MYO16: variants seen among roughly 807,000 people sequenced by gnomAD.
MYO16 encodes unconventional myosin-XVI.
In MYO16, 94 loss-of-function variants were observed where a neutral mutation model predicts 205.3. The observed-to-expected ratio is 0.46, with a 90% CI of 0.39 to 0.54. MYO16 has a LOEUF of 0.54. MYO16 is among the 20% of genes least tolerant of loss of function. The probability of loss-of-function intolerance (pLI) is 0.00; values close to 1 mark genes in which losing one functional copy is unlikely to be tolerated. For synonymous variants in MYO16, 988 were observed against 954.0 expected (o/e 1.04, Z -0.66); for missense variants, 2,315 against 2,387.5 (o/e 0.97, Z 0.63).
intron 17 of MYO16, among the ~76,000 whole-genome samples, chr13:108,959,282 T>C (rs940762985): frequency 6.6e-6 from 1 of 152,240 alleles, no homozygotes; most frequent in African/African-American, 2.4e-5. Context: ...GTCTTTGCAC[T>C]TGCTGCTGTG....
the MYO16 span, among the ~76,000 whole-genome samples, chr13:108,560,545 T>A: frequency 8.5e-5 from 13 of 152,246 alleles, no homozygotes; most frequent in African/African-American, 2.9e-4. Context: ...CAATGTACTG[T>A]CTACTTTGCA....
intron 20 of MYO16, among the ~76,000 whole-genome samples, chr13:108,968,900 C>T (rs149816635): frequency 0.03 from 4,505 of 152,286 alleles, 89 homozygotes; most frequent in Middle Eastern, 0.048. Flanking sequence ...TCCTCCTAGA[C>T]TCTGAGGGAA....
intron 1 of MYO16, chr13:108,659,515 C>T (rs1179494215): frequency 1.1e-5 from 2 of 187,114 alleles, no homozygotes; most frequent in Non-Finnish European, 2.2e-5. Flanking sequence ...ACCTCCCTTG[C>T]CCCCCTAAAA....
At chr13:108,789,499 C>A (rs1293982483) in intron 5 of MYO16, among the ~76,000 whole-genome samples, 2 of 152,128 alleles carry the variant, frequency 1.3e-5, no homozygotes, top group Non-Finnish European at 2.9e-5. Context: ...GAAATGCTGT[C>A]CCTGCACCAG....
intron 3 of MYO16, among the ~76,000 whole-genome samples, chr13:108,720,525 C>T (rs1266109450): frequency 1.3e-5 from 2 of 152,186 alleles, no homozygotes; most frequent in Admixed American, 1.3e-4. Context: ...TCAAATTGTG[C>T]ACCTCACGTC....
At chr13:109,061,938 G>T (rs1421130304) in intron 27 of MYO16, among the ~76,000 whole-genome samples, 5 of 151,992 alleles carry the variant, frequency 3.3e-5, no homozygotes, top group Non-Finnish European at 7.4e-5. Context: ...GAGTTCCTTA[G>T]ATCTGTGACA....
chr13:108,613,412 C>T (rs1182072942), intron 1 of MYO16, among the ~76,000 whole-genome samples: 1 of 152,042 alleles, frequency 6.6e-6, no homozygotes, highest in East Asian at 1.9e-4. Context: ...GTAACATGCC[C>T]TCCTGGTTAT....
chr13:109,067,361 C>T (rs1887785352), intron 27 of MYO16, among the ~76,000 whole-genome samples: 2 of 152,212 alleles, frequency 1.3e-5, no homozygotes, highest in East Asian at 1.9e-4. Context: ...TCATAGCACT[C>T]GTGTAAAGTT....
At chr13:109,050,128 T>C (rs1489057768) in intron 24 of MYO16, among the ~76,000 whole-genome samples, 1 of 152,136 alleles carries the variant, frequency 6.6e-6, no homozygotes, top group Non-Finnish European at 1.5e-5. Context: ...AATCCAGAAT[T>C]CATATAAAGT....
At chr13:108,855,316 T>C in intron 10 of MYO16, 127 bp from the exon 11 acceptor site, 1 of 477,710 alleles carries the variant, frequency 2.1e-6, no homozygotes, top group South Asian at 5.1e-5. Flanking sequence ...ATTTCATCTC[T>C]TAATAACAGT....
chr13:109,035,800 A>T (rs1886697178), intron 23 of MYO16, among the ~76,000 whole-genome samples: 1 of 152,222 alleles, frequency 6.6e-6, no homozygotes, highest in African/African-American at 2.4e-5. Flanking sequence ...TTAACAGAGC[A>T]TCCTAAGCTC....
intron 20 of MYO16, among the ~76,000 whole-genome samples, chr13:108,970,537 G>A (rs111799331): frequency 1.3e-5 from 2 of 152,204 alleles, no homozygotes; most frequent in Non-Finnish European, 2.9e-5. Flanking sequence ...GCCTGCGGGG[G>A]CAGCTGTCAT....
intron 3 of MYO16, among the ~76,000 whole-genome samples, chr13:108,713,837 C>G (rs1471487260): frequency 6.6e-6 from 1 of 152,096 alleles, no homozygotes; most frequent in East Asian, 1.9e-4. Context: ...TTCAAGGTAA[C>G]GTTTTCCTTC....
chr13:109,031,922 C>A (rs1886557898), intron 23 of MYO16, among the ~76,000 whole-genome samples: 3 of 152,120 alleles, frequency 2.0e-5, no homozygotes, highest in Non-Finnish European at 4.4e-5. Flanking sequence ...CTCCTCATGC[C>A]TCAGATACTG....
chr13:108,770,339 T>C (rs527882062), intron 4 of MYO16, among the ~76,000 whole-genome samples: 1 of 152,362 alleles, frequency 6.6e-6, no homozygotes, highest in Non-Finnish European at 1.5e-5. Context: ...CAGATAACTG[T>C]ATTAATGTAA....
chr13:109,025,981 A>G (rs866696685), intron 23 of MYO16, among the ~76,000 whole-genome samples: 2 of 152,156 alleles, frequency 1.3e-5, no homozygotes, highest in Non-Finnish European at 2.9e-5. Flanking sequence ...GTTGTTTTTT[A>G]TGAAAATTTA....
rs111788568 is a variant in MYO16 at position 108,633,091 on chromosome 13, T to A, written c.28+3219T>A. Among the ~76,000 whole-genome samples, 20 of 151,900 alleles carry A rather than the reference T, an allele frequency of 1.3e-4. 1 individual carries two copies. Among genetic ancestry groups the A allele is most frequent in the Non-Finnish European group, 2.6e-4 (18 of 67,982 alleles). The stretch of plus-strand genomic sequence containing the variant: ...GTTTGCAGCAGGAGGAAGGTTAAAG[T>A]TATTTAAAATGAATATTCTCCAGAG... On this transcript the variant is annotated intron_variant, in intron 1 of 34. Transcript: ENST00000457511.
At chr13:108,771,555 G>A (rs2138881021) in intron 4 of MYO16, among the ~76,000 whole-genome samples, 1 of 152,140 alleles carries the variant, frequency 6.6e-6, no homozygotes, top group East Asian at 1.9e-4. Context: ...CATAGTCTAT[G>A]GATTTGGACA....
intron 24 of MYO16, among the ~76,000 whole-genome samples, chr13:109,047,197 A>G (rs527896783): frequency 2.2e-4 from 34 of 152,192 alleles, no homozygotes; most frequent in Non-Finnish European, 4.7e-4. Flanking sequence ...AATGGAAACC[A>G]TAATTTAACT....
Sources: allele counts gnomAD v4.1 joint callset (sites outside exome capture counted in the v4.1 genomes callset), GRCh38; gene constraint gnomAD v4.1.1; transcripts MANE v1.5; gene names NCBI Gene and HGNC (gene_info 2026-07-23, HGNC 2026-07-21).